Variants in CTNNA3 observed in about 807,000 individuals in gnomAD.
CTNNA3 encodes catenin alpha-3.
CTNNA3 carries 76 observed loss-of-function variants against 95.7 expected under a neutral mutation model. The observed-to-expected ratio is 0.79, with a 90% CI of 0.66 to 0.96. The LOEUF is 0.96. Among genes scored for constraint, CTNNA3 ranks in the 40% least tolerant of loss-of-function variants. The pLI is 0.00. For missense variants in CTNNA3, 1,191 were observed against 1,089.8 expected (o/e 1.09, Z -1.31); for synonymous variants, 431 against 374.4 (o/e 1.15, Z -1.74).
chr10:67,560,121 C>G (rs548648145), intron 3 of CTNNA3, among the ~76,000 whole-genome samples: 3 of 152,056 alleles, frequency 2.0e-5, no homozygotes, highest in African/African-American at 7.2e-5. Flanking sequence ...CATTCAGATT[C>G]AGGAAATACA....
chr10:66,505,354 C>G (rs1005460331), intron 11 of CTNNA3, among the ~76,000 whole-genome samples: 5 of 152,178 alleles, frequency 3.3e-5, no homozygotes, highest in African/African-American at 1.2e-4. Context: ...TGAATACACA[C>G]TTTCTCTCTG....
intron 8 of CTNNA3, among the ~76,000 whole-genome samples, chr10:66,766,992 A>C (rs974725902): frequency 6.6e-6 from 1 of 152,214 alleles, no homozygotes; most frequent in Non-Finnish European, 1.5e-5. Flanking sequence ...AAATTATTAA[A>C]CAACTATAAC....
intron 3 of CTNNA3, among the ~76,000 whole-genome samples, chr10:67,580,170 G>A (rs1307857043): frequency 1.3e-5 from 2 of 152,096 alleles, no homozygotes; most frequent in Non-Finnish European, 2.9e-5. Flanking sequence ...TTTTCTTCTA[G>A]GGCTCTTATG....
In CTNNA3 at chr10:66,922,513, C is replaced by A. The variant is rs1589428599; in HGVS notation, c.1048-146989G>T. Among the ~76,000 whole-genome samples the A allele has an allele frequency of 2.0e-5, 3 of 152,168 alleles. No homozygotes were observed. The South Asian group carries it at 6.2e-4, about 31-fold the overall frequency. On this transcript the variant is annotated intron_variant, in intron 7 of 17. Transcript: ENST00000433211. Reference sequence around the variant, plus strand: ...CATTATTTTGTTTTGGATTTCTCAACTAGCCTCATGGATAATCTTCCCTCT... The same window carrying A: ...CATTATTTTGTTTTGGATTTCTCAAATAGCCTCATGGATAATCTTCCCTCT...
chr10:67,520,977 T>C (rs1295336454), intron 5 of CTNNA3, among the ~76,000 whole-genome samples: 1 of 152,194 alleles, frequency 6.6e-6, no homozygotes, highest in Admixed American at 6.5e-5. Context: ...GGCCTGGCCA[T>C]GCAAGTCAGA....
intron 10 of CTNNA3, among the ~76,000 whole-genome samples, chr10:66,610,243 TG>T (rs1446060635): frequency 2.5e-5 from 3 of 119,700 alleles, no homozygotes; most frequent in East Asian, 3.3e-4. Context: ...AAAATACCCA[TG>T]GGGGGGCTAT....
intron 5 of CTNNA3, among the ~76,000 whole-genome samples, chr10:67,508,075 G>T (rs573797016): frequency 2.0e-5 from 3 of 151,960 alleles, no homozygotes; most frequent in Non-Finnish European, 4.4e-5. Context: ...GTACAGTGGC[G>T]CAATTGTAGC....
At chr10:66,754,737 C>T (rs1839296636) in intron 9 of CTNNA3, among the ~76,000 whole-genome samples, 3 of 151,856 alleles carry the variant, frequency 2.0e-5, no homozygotes, top group Non-Finnish European at 4.4e-5. Flanking sequence ...CATCATTAGC[C>T]AACAGGAAAA....
intron 11 of CTNNA3, among the ~76,000 whole-genome samples, chr10:66,422,876 T>C (rs61867356): frequency 0.4 from 60,497 of 151,478 alleles, 12,884 homozygotes; most frequent in East Asian, 0.6. Flanking sequence ...GTGATCCACC[T>C]CCCTCGGCCT....
At chr10:66,901,409 C>G (rs892329235) in intron 7 of CTNNA3, among the ~76,000 whole-genome samples, 1 of 152,138 alleles carries the variant, frequency 6.6e-6, no homozygotes, top group African/African-American at 2.4e-5. Flanking sequence ...CTGGTACCAG[C>G]CACTGCAAAA....
chr10:66,439,396 A>G (rs1296777818), intron 11 of CTNNA3, among the ~76,000 whole-genome samples: 1 of 152,190 alleles, frequency 6.6e-6, no homozygotes, highest in Non-Finnish European at 1.5e-5. Context: ...GCATGATAAA[A>G]AATAAAGATT....
At chr10:66,364,536 C>A (rs924064468) in intron 12 of CTNNA3, among the ~76,000 whole-genome samples, 9 of 151,732 alleles carry the variant, frequency 5.9e-5, no homozygotes, top group Admixed American at 2.0e-4. Flanking sequence ...TATATTTTGG[C>A]CATTTTTTCT....
intron 14 of CTNNA3, among the ~76,000 whole-genome samples, chr10:66,076,086 A>G (rs75267074): frequency 0.021 from 3,244 of 151,662 alleles, 109 homozygotes; most frequent in African/African-American, 0.074. Flanking sequence ...TGTTTGATAA[A>G]CTTTAAAAAT....
At chr10:66,692,232 G>A (rs958706145) in intron 9 of CTNNA3, among the ~76,000 whole-genome samples, 2 of 152,132 alleles carry the variant, frequency 1.3e-5, no homozygotes, top group African/African-American at 4.8e-5. Context: ...TTAGATGAAT[G>A]TATAACCACA....
chr10:66,763,096 G>A (rs1839667266), intron 9 of CTNNA3, among the ~76,000 whole-genome samples: 1 of 151,964 alleles, frequency 6.6e-6, no homozygotes, highest in South Asian at 2.1e-4. Context: ...TAGGGGATTG[G>A]TAAATAGTCT....
intron 11 of CTNNA3, among the ~76,000 whole-genome samples, chr10:66,436,338 C>CTT: frequency 6.6e-6 from 1 of 152,066 alleles, no homozygotes; most frequent in South Asian, 2.1e-4. Flanking sequence ...TAAGAACTTG[C>CTT]TTTATGAATC....
intron 17 of CTNNA3, among the ~76,000 whole-genome samples, chr10:65,922,601 A>G (rs1440425900): frequency 1.3e-5 from 2 of 152,204 alleles, no homozygotes; most frequent in African/African-American, 2.4e-5. Flanking sequence ...TTATCTTTAA[A>G]TCTTTTAAAT....
intron 5 of CTNNA3, among the ~76,000 whole-genome samples, chr10:67,477,391 C>T (rs113143456): frequency 2.6e-5 from 4 of 152,234 alleles, no homozygotes; most frequent in African/African-American, 9.6e-5. Flanking sequence ...CCACTGTGCA[C>T]TCCATGAATT....
In CTNNA3 at chr10:67,326,497, G is replaced by A. The variant is rs372794566; in HGVS notation, c.580-106627C>T. On this transcript the variant is annotated intron_variant, in intron 5 of 17. Coordinates refer to ENST00000433211, the MANE Select transcript of CTNNA3 (RefSeq NM_013266.4). ...TTCATTTATGCAGCTTAGTTTGGCC[G>A]GATAAGAATTTCTGGGTTGAAATTT... 4.9e-4 allele frequency among the ~76,000 whole-genome samples: 74 copies of A among 152,202 alleles called. 1 individual carries two copies. The highest frequency in any genetic ancestry group is 1.6e-3 in the African/African-American group (66 of 41,522).
Sources: gnomAD v4.1 joint callset for allele counts (sites outside exome capture counted in the v4.1 genomes callset) on GRCh38, gnomAD v4.1.1 for gene constraint, MANE v1.5 for transcripts, NCBI Gene and HGNC (gene_info 2026-07-23, HGNC 2026-07-21) for gene names.